COL19A1: variants seen among roughly 807,000 people sequenced by gnomAD.
COL19A1 encodes collagen alpha-1(XIX) chain.
In COL19A1, 159 loss-of-function variants were observed where a neutral mutation model predicts 190.2. The observed-to-expected ratio is 0.84, with a 90% confidence interval of 0.73 to 0.95. The LOEUF (loss-of-function observed/expected upper bound fraction) is 0.95. Among genes scored for constraint, COL19A1 ranks in the 40% least tolerant of loss-of-function variants. The pLI is 0.00. For missense variants in COL19A1, 1,418 were observed against 1,431.9 expected (o/e 0.99, Z 0.16); for synonymous variants, 509 against 458.9 (o/e 1.11, Z -1.39).
At chr6:70,142,715 CT>C (rs3831024) in intron 22 of COL19A1, 51 bp from the exon 23 acceptor site, 233 of 1,425,378 alleles carry the variant, frequency 1.6e-4, no homozygotes, top group Admixed American at 7.9e-4. Context: ...TACAATCTAT[CT>C]TTTTTTTTCT....
At chr6:70,166,036 T>C in intron 37 of COL19A1, 51 bp downstream of exon 37, 1 of 1,455,258 alleles carries the variant, frequency 6.9e-7, no homozygotes, top group South Asian at 1.1e-5. Context: ...ACTTAAGACT[T>C]TTATAACTCA....
intron 15 of COL19A1, among the ~76,000 whole-genome samples, chr6:70,076,041 A>G (rs1024229808): frequency 2.0e-5 from 3 of 152,210 alleles, no homozygotes; most frequent in African/African-American, 7.2e-5. Context: ...GATGTGGAAG[A>G]GGCACATCAT....
At chr6:69,890,327 C>T (rs1769261309) in intron 2 of COL19A1, 1 of 152,222 alleles carries the variant, frequency 6.6e-6, no homozygotes. Flanking sequence ...AATTTCTCCT[C>T]TTTCCCACTA....
intron 4 of COL19A1, among the ~76,000 whole-genome samples, chr6:69,907,104 A>AT (rs1770600600): frequency 3.0e-5 from 4 of 132,592 alleles, no homozygotes; most frequent in Admixed American, 2.4e-4. Context: ...TATTATTATT[A>AT]TTATTTTTTT....
rs1287109458 is a variant in COL19A1, at chr6:69,877,661, A to T, written c.-32-1875A>T. Among the ~76,000 whole-genome samples, 3 of 152,142 alleles carry T rather than the reference A, an allele frequency of 2.0e-5. No homozygotes were observed. In the East Asian group the frequency reaches 5.8e-4, roughly 29 times the overall value. Reference sequence around the variant, plus strand: ...GTGAATAATATAATTATATTTTAATAATATGAATCATTGTATATTATACAA... The same window carrying T: ...GTGAATAATATAATTATATTTTAATTATATGAATCATTGTATATTATACAA... On this transcript the variant is annotated intron_variant, in intron 1 of 50. Coordinates refer to ENST00000620364, the MANE Select transcript of COL19A1 (RefSeq NM_001858.6).
chr6:69,942,359 TA>T (rs1216617045), intron 9 of COL19A1, among the ~76,000 whole-genome samples: 1 of 152,196 alleles, frequency 6.6e-6, no homozygotes, highest in African/African-American at 2.4e-5. Flanking sequence ...AAATATTCAT[TA>T]TTTCTTTGTA....
chr6:69,896,151 A>C (rs1360924784), intron 2 of COL19A1, among the ~76,000 whole-genome samples: 2 of 152,108 alleles, frequency 1.3e-5, no homozygotes, highest in African/African-American at 4.8e-5. Flanking sequence ...ATTCTTGCCT[A>C]AAAGGGCCAT....
At chr6:70,092,422 T>G (rs907706456) in intron 15 of COL19A1, among the ~76,000 whole-genome samples, 2 of 152,132 alleles carry the variant, frequency 1.3e-5, no homozygotes, top group African/African-American at 4.8e-5. Flanking sequence ...CTCTAGGTCT[T>G]AATCATCTTA....
At chr6:70,116,958 A>G (rs1297244189) in intron 16 of COL19A1, among the ~76,000 whole-genome samples, 3 of 152,190 alleles carry the variant, frequency 2.0e-5, no homozygotes, top group African/African-American at 4.8e-5. Context: ...CCAATAGGAG[A>G]TTGAAGAGCT....
rs1174979656 is a variant in COL19A1 at position 70,199,675 on chromosome 6, G to A, written c.3162G>A (p.Gly1054=). ...PAAMLAAQAY[G]RPGPPGKDGL... Reference sequence around the variant, plus strand: ...CAATGTTGGCTGCCCAAGCTTATGGGAGACCTGGGCCACCAGGGAAGGATG... The same window carrying A: ...CAATGTTGGCTGCCCAAGCTTATGGAAGACCTGGGCCACCAGGGAAGGATG... The change falls in exon 49 of 51, where the codon GGG becomes GGA. Residue 1054 remains glycine (G), a synonymous_variant. Transcript: ENST00000620364. 6.2e-7 allele frequency: 1 copy of A among 1,609,916 alleles called. No individual in the cohort carries two copies. Among genetic ancestry groups the A allele is most frequent in the Non-Finnish European group, 8.5e-7 (1 of 1,177,506 alleles).
chr6:69,904,492 G>C (rs1217192964), intron 4 of COL19A1, among the ~76,000 whole-genome samples: 2 of 152,174 alleles, frequency 1.3e-5, no homozygotes, highest in Admixed American at 1.3e-4. Flanking sequence ...CAGGCAGGGA[G>C]GGGCACTGGG....
intron 15 of COL19A1, among the ~76,000 whole-genome samples, chr6:70,081,665 A>G (rs1782262752): frequency 6.6e-6 from 1 of 152,218 alleles, no homozygotes; most frequent in African/African-American, 2.4e-5. Flanking sequence ...TAATATGTTA[A>G]TTTGGAGATT....
intron 37 of COL19A1, 62 bp downstream of exon 37, chr6:70,166,047 G>A: frequency 7.6e-7 from 1 of 1,310,188 alleles, no homozygotes; most frequent in Non-Finnish European, 1.1e-6. Context: ...TTATAACTCA[G>A]AGGTAAGACT....
At chr6:70,183,373 T>A (rs780670598) in intron 44 of COL19A1, among the ~76,000 whole-genome samples, 15 of 152,188 alleles carry the variant, frequency 9.9e-5, no homozygotes, top group Non-Finnish European at 2.1e-4. Context: ...AGGGCTGCCC[T>A]GTGGATAGAA....
chr6:69,877,777 T>C (rs1403401177), intron 1 of COL19A1, among the ~76,000 whole-genome samples: 2 of 152,056 alleles, frequency 1.3e-5, no homozygotes. Flanking sequence ...TCCCAGCACT[T>C]TGGGAGGCCA....
chr6:70,039,027 C>G (rs537491472), intron 14 of COL19A1, among the ~76,000 whole-genome samples: 1 of 151,894 alleles, frequency 6.6e-6, no homozygotes, highest in African/African-American at 2.4e-5. Flanking sequence ...GCACTCCAGC[C>G]CAGCTGGAGA....
In COL19A1 at chr6:70,105,634, C is replaced by A. The variant is rs531084226; in HGVS notation, c.1278+3412C>A. Among the ~76,000 whole-genome samples, 4 of 152,232 alleles carry A rather than the reference C, an allele frequency of 2.6e-5. No individual in the cohort carries two copies. The South Asian group carries it at 8.3e-4, about 32-fold the overall frequency. On this transcript the variant is annotated intron_variant, in intron 16 of 50. Transcript: ENST00000620364. ...TTTATATTTCTTTTCCAACATTGAA[C>A]CCTTTATGACATGCATCTTACTTTA...
At chr6:69,904,600 C>T (rs1770416035) in intron 4 of COL19A1, among the ~76,000 whole-genome samples, 1 of 152,184 alleles carries the variant, frequency 6.6e-6, no homozygotes, top group African/African-American at 2.4e-5. Context: ...GGGCTCTCCA[C>T]TGGGTTCCCA....
intron 36 of COL19A1, among the ~76,000 whole-genome samples, chr6:70,164,432 G>A (rs186504492): frequency 4.6e-5 from 7 of 152,232 alleles, no homozygotes; most frequent in East Asian, 1.9e-4. Context: ...CCTGACCAAC[G>A]TGGAACATAA....
Sources: gnomAD v4.1 joint callset for allele counts (sites outside exome capture counted in the v4.1 genomes callset) on GRCh38, gnomAD v4.1.1 for gene constraint, MANE v1.5 for transcripts, NCBI Gene and HGNC (gene_info 2026-07-23, HGNC 2026-07-21) for gene names.